The following PCDH17 variants were observed in gnomAD, a reference collection of about 807,000 sequenced individuals.
The protein encoded by PCDH17 is protocadherin 17.
Under a neutral mutation model 67.7 loss-of-function variants are expected in PCDH17, and 21 were observed. The ratio of observed to expected loss-of-function variants is 0.31; its 90% confidence interval spans 0.22 to 0.45. PCDH17 has a LOEUF of 0.45. Among genes scored for constraint, PCDH17 ranks in the 20% least tolerant of loss-of-function variants. The pLI is 1.00. For missense variants in PCDH17, 1,471 were observed against 1,564.8 expected (o/e 0.94, Z 1.01); for synonymous variants, 701 against 656.7 (o/e 1.07, Z -1.03).
At chr13:57,700,713 G>T (rs1955655238) in intron 3 of PCDH17, among the ~76,000 whole-genome samples, 1 of 151,990 alleles carries the variant, frequency 6.6e-6, no homozygotes, top group Non-Finnish European at 1.5e-5. Flanking sequence ...ATTTGTCTTT[G>T]GAAAAATATT....
chr13:57,664,480 T>C (rs926816587), intron 1 of PCDH17, among the ~76,000 whole-genome samples: 1 of 152,170 alleles, frequency 6.6e-6, no homozygotes, highest in Non-Finnish European at 1.5e-5. Context: ...ACTGTTCCTA[T>C]CAGGACAAGA....
intron 3 of PCDH17, among the ~76,000 whole-genome samples, chr13:57,720,493 T>C (rs74079938): frequency 0.013 from 1,963 of 152,072 alleles, 32 homozygotes; most frequent in African/African-American, 0.044. Context: ...TTATTTACAA[T>C]AATAAAATAT....
chr13:57,640,787 A>T (rs1354558452), intron 1 of PCDH17, among the ~76,000 whole-genome samples: 3 of 152,056 alleles, frequency 2.0e-5, no homozygotes, highest in Non-Finnish European at 4.4e-5. Flanking sequence ...AGGAAGAAGA[A>T]GCCACTATAA....
rs1192284389 is a variant in PCDH17, at chr13:57,667,646, CTT to C, written c.2797+814_2797+815del. On this transcript the variant is annotated intron_variant, in intron 3 of 3. Transcript: ENST00000377918. ...TTAGTAGTATGTAAATATATTTAGA[CTT>C]ATTATTTCAGTTGTTTTGAATGAGA... Among the ~76,000 whole-genome samples the C allele has an allele frequency of 2.0e-5, 3 of 151,508 alleles. No individual in the cohort carries two copies. The East Asian group carries it at 5.8e-4, about 29-fold the overall frequency.
chr13:57,631,123 A>C (rs755889976), upstream of PCDH17, among the ~76,000 whole-genome samples: 1 of 151,814 alleles, frequency 6.6e-6, no homozygotes, highest in Non-Finnish European at 1.5e-5. Flanking sequence ...CACTCCTCCT[A>C]CTATAAGAGA....
chr13:57,665,789 T>C (rs1163355997), intron 1 of PCDH17, among the ~76,000 whole-genome samples: 4 of 152,222 alleles, frequency 2.6e-5, no homozygotes, highest in Non-Finnish European at 5.9e-5. Flanking sequence ...TCAATGTCTT[T>C]ATGCTCACGT....
At chr13:57,664,667 A>G (rs1197196851) in intron 1 of PCDH17, among the ~76,000 whole-genome samples, 1 of 152,014 alleles carries the variant, frequency 6.6e-6, no homozygotes, top group Non-Finnish European at 1.5e-5. Context: ...AATAACCTGG[A>G]TTTTGTTTTC....
chr13:57,718,811 G>C (rs1345138045), intron 3 of PCDH17, among the ~76,000 whole-genome samples: 1 of 151,826 alleles, frequency 6.6e-6, no homozygotes, highest in African/African-American at 2.4e-5. Flanking sequence ...TGTGGTCATA[G>C]AAAAATGTGT....
At chr13:57,711,870 T>C (rs920606687) in intron 3 of PCDH17, among the ~76,000 whole-genome samples, 11 of 151,476 alleles carry the variant, frequency 7.3e-5, no homozygotes, top group African/African-American at 2.4e-4. Flanking sequence ...ATCAATGAGT[T>C]ATGTATCTTA....
chr13:57,667,606 A>G (rs1955269886), intron 3 of PCDH17, among the ~76,000 whole-genome samples: 1 of 151,858 alleles, frequency 6.6e-6, no homozygotes, highest in Admixed American at 6.6e-5. Context: ...TGATATAGTA[A>G]CAGTCTTCAG....
At chr13:57,710,288 G>T (rs1955763623) in intron 3 of PCDH17, among the ~76,000 whole-genome samples, 1 of 151,766 alleles carries the variant, frequency 6.6e-6, no homozygotes, top group Non-Finnish European at 1.5e-5. Context: ...TATTAGCTAA[G>T]TGTTACTTTG....
At chr13:57,685,320 T>C (rs987251091) in intron 3 of PCDH17, among the ~76,000 whole-genome samples, 2 of 152,008 alleles carry the variant, frequency 1.3e-5, no homozygotes, top group Non-Finnish European at 2.9e-5. Context: ...ATAATAATAC[T>C]GACATATAAA....
At chr13:57,650,218 T>TGTGTGTG (rs1955018327) in intron 1 of PCDH17, among the ~76,000 whole-genome samples, 47 of 137,480 alleles carry the variant, frequency 3.4e-4, no homozygotes, top group Non-Finnish European at 1.4e-4. Context: ...GGACCCTTGA[T>TGTGTGTG]TGTGTGTGTG....
intron 3 of PCDH17, among the ~76,000 whole-genome samples, chr13:57,674,600 C>A (rs1306690639): frequency 1.3e-5 from 2 of 151,886 alleles, no homozygotes; most frequent in African/African-American, 4.8e-5. Flanking sequence ...GTGCTGGGGT[C>A]ACCAGTTAGA....
chr13:57,711,601 A>C (rs923987120), intron 3 of PCDH17, among the ~76,000 whole-genome samples: 1 of 151,842 alleles, frequency 6.6e-6, no homozygotes. Flanking sequence ...CAAAGTGTCA[A>C]GATAATCAGG....
Position 57,677,461 on chromosome 13 carries a change from C to A in PCDH17, c.2797+10628C>A, listed in dbSNP as rs149215066. Among the ~76,000 whole-genome samples the A allele has an allele frequency of 5.1e-4, 77 of 151,780 alleles. No individual in the cohort carries two copies. The East Asian group carries it at 0.013, about 26-fold the overall frequency. On this transcript the variant is annotated intron_variant, in intron 3 of 3. Coordinates refer to ENST00000377918, the MANE Select transcript of PCDH17 (RefSeq NM_001040429.3). ...TTTTACTTTAAGAGATAAGGAGAAA[C>A]TTAAACAGCATAAACAAGCATGAAA...
At chr13:57,660,435 TA>T (rs956781695) in intron 1 of PCDH17, among the ~76,000 whole-genome samples, 7 of 152,200 alleles carry the variant, frequency 4.6e-5, no homozygotes, top group South Asian at 2.1e-4. Flanking sequence ...TTGAGAATAT[TA>T]AAAAAATAAC....
chr13:57,635,969 T>C (rs1288521555), intron 1 of PCDH17, among the ~76,000 whole-genome samples: 1 of 152,196 alleles, frequency 6.6e-6, no homozygotes, highest in Non-Finnish European at 1.5e-5. Flanking sequence ...GCACTTGATG[T>C]GCCAAAATGA....
In PCDH17 at chr13:57,633,206, G is replaced by T. The variant is rs747541291; in HGVS notation, c.660G>T (p.Glu220Asp). The T allele has an allele frequency of 5.0e-6, 8 of 1,613,164 alleles. No individual in the cohort carries two copies. In the Admixed American group the frequency reaches 1.0e-4, roughly 20 times the overall value. The change falls in exon 1 of 4, where the codon GAG becomes GAT. Residue 220 changes from glutamate (E) to aspartate (D), a missense_variant. Physicochemically the swap from Glu to Asp is conservative, Grantham distance 45. Around this residue, in one of 3 missense-constraint regions of PCDH17, gnomAD observed 1,163 missense variants for 1,230.0 expected, o/e 0.95. Transcript: ENST00000377918. This position sits in a 1 kb window ranked among gnomAD's most constrained non-coding sequence, Gnocchi z 6.2. ...TLVLTALDGG[E>D]PPRSATVQIN... Reference sequence around the variant, plus strand: ...TGCTGACTGCCCTGGACGGTGGCGAGCCTCCACGTTCCGCCACCGTACAGA... The same window carrying T: ...TGCTGACTGCCCTGGACGGTGGCGATCCTCCACGTTCCGCCACCGTACAGA...
Sources: gnomAD v4.1 joint callset for allele counts (sites outside exome capture counted in the v4.1 genomes callset) on GRCh38, gnomAD v4.1.1 for gene constraint, gnomAD v4.1.1 regional missense constraint, Gnocchi (gnomAD v3.1) non-coding constraint, MANE v1.5 for transcripts, NCBI Gene and HGNC (gene_info 2026-07-23, HGNC 2026-07-21) for gene names.